DSCAM: variants seen among roughly 807,000 people sequenced by gnomAD.
DSCAM encodes the protein DS cell adhesion molecule.
A neutral mutation model predicts 217.7 loss-of-function variants in DSCAM; 47 were observed. The ratio of observed to expected loss-of-function variants is 0.22; its 90% CI spans 0.17 to 0.28. The LOEUF (loss-of-function observed/expected upper bound fraction) is 0.28. DSCAM is among the 10% of genes least tolerant of loss of function. The pLI is 1.00. For synonymous variants in DSCAM, 1,056 were observed against 1,015.3 expected, an observed-to-expected ratio of 1.04 and a Z score of -0.76; for missense variants, 2,080 against 2,618.3, an observed-to-expected ratio of 0.79 and a Z score of 4.49.
intron 3 of DSCAM, among the ~76,000 whole-genome samples, chr21:40,633,997 C>G (rs114387120): frequency 1.3e-5 from 2 of 152,080 alleles, no homozygotes; most frequent in Admixed American, 1.3e-4. Context: ...TTCTTATTCT[C>G]GACCCAGGAA....
chr21:40,025,341 TTG>T (rs1482525981), intron 32 of DSCAM, among the ~76,000 whole-genome samples: 10 of 144,180 alleles, frequency 6.9e-5, no homozygotes, highest in African/African-American at 2.4e-4. Flanking sequence ...TCTTTTTTGG[TTG>T]TGTCTCTGCC....
At chr21:40,520,755 C>T (rs879724560) in intron 3 of DSCAM, among the ~76,000 whole-genome samples, 15 of 151,940 alleles carry the variant, frequency 9.9e-5, no homozygotes, top group Non-Finnish European at 2.2e-4. Flanking sequence ...TGCAGTGAGC[C>T]GAGATTGTGC....
chr21:40,135,823 G>T (rs1275104563), intron 18 of DSCAM, among the ~76,000 whole-genome samples: 2 of 152,222 alleles, frequency 1.3e-5, no homozygotes, highest in Non-Finnish European at 2.9e-5. Context: ...GATCAATGTG[G>T]AACGGATACA....
At chr21:40,342,109 A>G (rs934138745) in intron 6 of DSCAM, among the ~76,000 whole-genome samples, 3 of 152,158 alleles carry the variant, frequency 2.0e-5, no homozygotes, top group African/African-American at 4.8e-5. Flanking sequence ...TGTCTGCTCA[A>G]ATCTTTGGCC....
chr21:40,836,629 C>A (rs1184751245), intron 1 of DSCAM, among the ~76,000 whole-genome samples: 1 of 152,226 alleles, frequency 6.6e-6, no homozygotes, highest in Non-Finnish European at 1.5e-5. Context: ...ACTGGATCAA[C>A]TTCCTAGCTA....
At chr21:40,369,022 C>A in intron 4 of DSCAM, 77 bp downstream of exon 4, 1 of 1,417,224 alleles carries the variant, frequency 7.1e-7, no homozygotes, top group Non-Finnish European at 9.3e-7. Context: ...CAACACTCCA[C>A]AATTTTGATT....
At chr21:40,014,872 C>T (rs937104368) in intron 32 of DSCAM, among the ~76,000 whole-genome samples, 10 of 152,236 alleles carry the variant, frequency 6.6e-5, no homozygotes, top group African/African-American at 2.4e-4. Context: ...GCCAAATTCT[C>T]TGGTTTCCTC....
rs144839869 is a variant in DSCAM at position 40,404,217 on chromosome 21, C to G, written c.509-34972G>C. ...CAAAGGGATTCATCTATGGTACAAA[C>G]AAAATGCTGCTACGAGGCACTTTAC... On this transcript the variant is annotated intron_variant, in intron 3 of 32. Transcript: ENST00000400454. Among the ~76,000 whole-genome samples the G allele has an allele frequency of 2.1e-3, 321 of 152,294 alleles. 6 individuals are homozygous for G. In the East Asian group the frequency reaches 0.025, roughly 12 times the overall value.
At chr21:40,525,507 T>G (rs2076393953) in intron 3 of DSCAM, among the ~76,000 whole-genome samples, 1 of 152,246 alleles carries the variant, frequency 6.6e-6, no homozygotes, top group South Asian at 2.1e-4. Flanking sequence ...AAACATTCTT[T>G]AAGTGAGAAG....
intron 1 of DSCAM, among the ~76,000 whole-genome samples, chr21:40,769,569 G>C (rs1367876643): frequency 6.6e-6 from 1 of 152,194 alleles, no homozygotes; most frequent in African/African-American, 2.4e-5. Context: ...TCCCTGGAGA[G>C]GTGGATCTCA....
intron 3 of DSCAM, among the ~76,000 whole-genome samples, chr21:40,450,936 A>AC (rs1276569483): frequency 6.6e-6 from 1 of 152,162 alleles, no homozygotes; most frequent in Non-Finnish European, 1.5e-5. Flanking sequence ...CAGGTCACCT[A>AC]CCCTCCTGCT....
rs777965263 is a variant in DSCAM at position 40,044,259 on chromosome 21, C to T, written c.5202G>A (p.Arg1734=). The change falls in exon 31 of 33, where the codon AGG becomes AGA. Residue 1734 remains arginine, a synonymous_variant. Transcript: ENST00000400454. ...ARPGTNPTTR[R]NAKAGPTARN... ...TCGCTGTGGGCCCAGCCTTGGCATTCCTCCTGGTGGTGGGATCTGTGAAGA... is the reference window on the plus strand; with the variant it reads ...TCGCTGTGGGCCCAGCCTTGGCATTTCTCCTGGTGGTGGGATCTGTGAAGA... 6.2e-7 allele frequency: 1 copy of T among 1,614,012 alleles called. No individual in the cohort carries two copies. The highest frequency in any genetic ancestry group is 8.5e-7 in the Non-Finnish European group (1 of 1,179,954).
chr21:40,329,666 T>A (rs2074355622), intron 8 of DSCAM, among the ~76,000 whole-genome samples: 1 of 149,752 alleles, frequency 6.7e-6, no homozygotes. Flanking sequence ...ATAATAAAAA[T>A]AAAAAATAAA....
At chr21:40,635,247 A>G (rs993975128) in intron 3 of DSCAM, among the ~76,000 whole-genome samples, 1 of 152,200 alleles carries the variant, frequency 6.6e-6, no homozygotes, top group Non-Finnish European at 1.5e-5. Flanking sequence ...CACAGCAGAC[A>G]GCCTGGAGGG....
intron 20 of DSCAM, among the ~76,000 whole-genome samples, chr21:40,106,724 T>C (rs1324980746): frequency 1.3e-5 from 2 of 152,236 alleles, no homozygotes; most frequent in Non-Finnish European, 2.9e-5. Flanking sequence ...CAGGAATTTA[T>C]CCATTTCTTC....
At chr21:40,451,035 C>G (rs1193746048) in intron 3 of DSCAM, among the ~76,000 whole-genome samples, 3 of 152,198 alleles carry the variant, frequency 2.0e-5, no homozygotes, top group African/African-American at 7.2e-5. Flanking sequence ...CCTTCAAGGG[C>G]AGGCCTACAA....
At position 40,179,844 on chromosome 21, in the gene DSCAM, C is replaced by T. The variant is rs575396106; in HGVS notation, c.2780-750G>A. On this transcript the variant is annotated intron_variant, in intron 14 of 32. Transcript: ENST00000400454. ...TCAAGCAAGGATGAGAATGTCAATA[C>T]GTGGTTCTTATATCAAAAGAGTTTG... Among the ~76,000 whole-genome samples the T allele has an allele frequency of 1.4e-4, 22 of 152,276 alleles. No individual in the cohort carries two copies. The East Asian group carries it at 1.7e-3, about 12-fold the overall frequency.
At chr21:40,514,056 T>C (rs1449923893) in intron 3 of DSCAM, among the ~76,000 whole-genome samples, 1 of 152,152 alleles carries the variant, frequency 6.6e-6, no homozygotes, top group African/African-American at 2.4e-5. Flanking sequence ...ATTTGTGTGA[T>C]CAGGACAGAC....
At chr21:40,073,773 C>G (rs1400713897) in intron 27 of DSCAM, among the ~76,000 whole-genome samples, 1 of 152,178 alleles carries the variant, frequency 6.6e-6, no homozygotes, top group African/African-American at 2.4e-5. Flanking sequence ...AAAGCTCTTT[C>G]TTCTCATCTT....
Sources: gnomAD v4.1 joint callset for allele counts (sites outside exome capture counted in the v4.1 genomes callset) on GRCh38, gnomAD v4.1.1 for gene constraint, MANE v1.5 for transcripts, NCBI Gene and HGNC (gene_info 2026-07-23, HGNC 2026-07-21) for gene names.